Variants in JAK2 observed in about 807,000 individuals in gnomAD.
JAK2 encodes tyrosine-protein kinase JAK2.
A neutral mutation model predicts 139.3 loss-of-function variants in JAK2; 86 were observed. The observed-to-expected ratio is 0.62, with a 90% confidence interval of 0.52 to 0.74. The LOEUF (loss-of-function observed/expected upper bound fraction) is 0.74, where lower values mean the gene tolerates loss of function less well. JAK2 is among the 30% of genes least tolerant of loss of function. The pLI, the probability that JAK2 is intolerant of heterozygous loss-of-function variation, is 0.00. For synonymous variants in JAK2, 490 were observed against 437.7 expected (o/e 1.12, Z -1.49); for missense variants, 1,421 against 1,360.3 (o/e 1.04, Z -0.70).
intron 22 of JAK2, chr9:5,098,427 A>C (rs1586789576): frequency 6.6e-6 from 1 of 152,174 alleles, no homozygotes; most frequent in Non-Finnish European, 1.5e-5. Context: ...ACGTTCTTAT[A>C]ATTATTTTCC....
intron 4 of JAK2, chr9:5,041,540 G>T: frequency 1.9e-6 from 1 of 536,112 alleles, no homozygotes; most frequent in Non-Finnish European, 3.7e-6. Flanking sequence ...TGCTCTGCGA[G>T]AACTTCCCAG....
intron 22 of JAK2, chr9:5,110,841 T>G: frequency 4.3e-6 from 2 of 460,994 alleles, no homozygotes; most frequent in South Asian, 3.6e-5. Context: ...TCGGGGAAGG[T>G]GGGGGGGACG....
At chr9:5,115,831 C>T (rs1217649077) in intron 22 of JAK2, among the ~76,000 whole-genome samples, 1 of 152,138 alleles carries the variant, frequency 6.6e-6, no homozygotes, top group African/African-American at 2.4e-5. Context: ...ACCACTTGTT[C>T]TCGCTGATAA....
chr9:5,062,240 A>G lies in JAK2; in HGVS notation c.1057-2643A>G, dbSNP rs1366342784. ...ATATGGGTTCTGCAGGGCTGATTTC[A>G]GAACTTGAATATGTTCAGATTTTGG... On this transcript the variant is annotated intron_variant, in intron 8 of 24. Coordinates refer to ENST00000381652, the MANE Select transcript of JAK2 (RefSeq NM_004972.4). Among the ~76,000 whole-genome samples, 2 of 152,118 alleles carry G rather than the reference A, an allele frequency of 1.3e-5. 1 individual carries two copies. Among genetic ancestry groups the G allele is most frequent in the African/African-American group, 4.8e-5 (2 of 41,410 alleles).
intron 2 of JAK2, among the ~76,000 whole-genome samples, chr9:4,987,768 T>A (rs1820040910): frequency 1.3e-5 from 2 of 151,336 alleles, no homozygotes; most frequent in Admixed American, 1.3e-4. Flanking sequence ...AAAAAAGAGT[T>A]ATATTATTTA....
intron 13 of JAK2, among the ~76,000 whole-genome samples, chr9:5,073,023 C>T (rs1010062044): frequency 6.6e-6 from 1 of 152,128 alleles, no homozygotes; most frequent in Non-Finnish European, 1.5e-5. Flanking sequence ...ATCTAGATGC[C>T]TCTGGGCATC....
At position 5,127,455 on chromosome 9, in the gene JAK2, G is replaced by T. The variant is rs1002175353; in HGVS notation, c.*664G>T. ...CAAATGTCTAGTTTTATTTGTATAG[G>T]AAATTTCCCTGACCCTAAATAATAC... On this transcript the variant is annotated 3_prime_UTR_variant, in exon 25 of 25. Coordinates refer to ENST00000381652, the MANE Select transcript of JAK2 (RefSeq NM_004972.4). 1 of 231,320 alleles carries T rather than the reference G, an allele frequency of 4.3e-6. No homozygotes were observed. Among genetic ancestry groups the T allele is most frequent in the Non-Finnish European group, 8.6e-6 (1 of 116,504 alleles). The allele number at this position is 231,320 out of a possible 1,614,324, so 14.3% of individuals were successfully genotyped here. A position where few individuals can be genotyped will look rare whatever the true frequency, so the allele number is the denominator to read the frequency against.
chr9:5,063,924 A>C (rs908128149), intron 8 of JAK2, among the ~76,000 whole-genome samples: 1 of 152,214 alleles, frequency 6.6e-6, no homozygotes, highest in Admixed American at 6.5e-5. Context: ...TTGGGAGGCC[A>C]AGGCGGGCGG....
intron 19 of JAK2, chr9:5,085,857 G>C: frequency 2.6e-6 from 2 of 774,856 alleles, no homozygotes; most frequent in Non-Finnish European, 2.4e-6. Flanking sequence ...GTAGTACTCA[G>C]AGATTTCCTT....
intron 22 of JAK2, 78 bp downstream of exon 22, chr9:5,090,989 C>A: frequency 9.3e-7 from 1 of 1,074,610 alleles, no homozygotes; most frequent in Non-Finnish European, 1.3e-6. Flanking sequence ...AATAGTTTGC[C>A]ATTTCTATAT....
At chr9:5,041,089 C>G (rs943775928) in intron 4 of JAK2, 21 of 711,050 alleles carry the variant, frequency 3.0e-5, no homozygotes, top group Non-Finnish European at 5.0e-5. Flanking sequence ...CTACTACAGC[C>G]TGGAGGACCT....
At chr9:5,044,666 T>C in intron 5 of JAK2, 146 bp downstream of exon 5, 1 of 522,334 alleles carries the variant, frequency 1.9e-6, no homozygotes. Flanking sequence ...CAAAATTGAG[T>C]CTTTTAGCAC....
chr9:5,072,658 T>C, intron 13 of JAK2, 32 bp downstream of exon 13: 1 of 1,510,220 alleles, frequency 6.6e-7, no homozygotes. Context: ...TTCATGTAGT[T>C]TATGCTGTTT....
In JAK2 at chr9:5,070,319, C is replaced by T. The variant is rs148223015; in HGVS notation, c.1641+267C>T. ...AAATCTCAAATTAAAAATTAAAAAT[C>T]TACAAAGACCTATATCGCAACTCCC... On this transcript the variant is annotated intron_variant, in intron 12 of 24. Coordinates refer to ENST00000381652, the MANE Select transcript of JAK2 (RefSeq NM_004972.4). Among the ~76,000 whole-genome samples the T allele has an allele frequency of 3.6e-3, 543 of 152,028 alleles. 9 individuals carry two copies. Among genetic ancestry groups the T allele is most frequent in the East Asian group, 0.029 (149 of 5,176 alleles).
intron 4 of JAK2, among the ~76,000 whole-genome samples, chr9:5,043,635 C>G (rs931370146): frequency 5.9e-5 from 9 of 152,280 alleles, no homozygotes; most frequent in South Asian, 2.1e-4. Context: ...TCCACAAAAA[C>G]TTGTACATGA....
At position 5,041,326 on chromosome 9, in the gene JAK2, C is replaced by T. The variant is rs551055417; in HGVS notation, c.351-3077C>T. On this transcript the variant is annotated intron_variant, in intron 4 of 24. Coordinates refer to ENST00000381652, the MANE Select transcript of JAK2 (RefSeq NM_004972.4). ...AGAAGCACATCCCGTGCAGCCAGCACAAGAGCTTGACAGGTACGGCGTGCT... is the reference window on the plus strand; with the variant it reads ...AGAAGCACATCCCGTGCAGCCAGCATAAGAGCTTGACAGGTACGGCGTGCT... 3.4e-5 allele frequency: 25 copies of T among 732,254 alleles called. No individual in the cohort carries two copies. The African/African-American group carries it at 4.0e-4, about 12-fold the overall frequency. The allele number at this position is 732,254 out of a possible 1,614,324, so 45.4% of individuals were successfully genotyped here. A position where few individuals can be genotyped will look rare whatever the true frequency, so the allele number is the denominator to read the frequency against.
chr9:4,990,510 G>A (rs1330325806), intron 2 of JAK2, among the ~76,000 whole-genome samples: 3 of 152,140 alleles, frequency 2.0e-5, no homozygotes, highest in Non-Finnish European at 2.9e-5. Context: ...ATTTGTTAGC[G>A]AAGTTAAGGC....
chr9:5,083,367 T>G (rs963136628), intron 19 of JAK2, among the ~76,000 whole-genome samples: 3 of 152,194 alleles, frequency 2.0e-5, no homozygotes, highest in Non-Finnish European at 4.4e-5. Context: ...GTAAGCTCTT[T>G]CTCGCATAAG....
chr9:5,102,643 G>C (rs1213303921), intron 22 of JAK2, among the ~76,000 whole-genome samples: 1 of 152,190 alleles, frequency 6.6e-6, no homozygotes. Context: ...CAGCCAGAGA[G>C]AAATGTCGGG....
Sources: gnomAD v4.1 joint callset for allele counts (sites outside exome capture counted in the v4.1 genomes callset) on GRCh38, gnomAD v4.1.1 for gene constraint, MANE v1.5 for transcripts, NCBI Gene and HGNC (gene_info 2026-07-23, HGNC 2026-07-21) for gene names.